Variants in FOXN4 observed in about 807,000 individuals in gnomAD.
FOXN4 encodes the protein forkhead box N4.
A neutral mutation model predicts 45.0 loss-of-function variants in FOXN4; 12 were observed. The observed-to-expected ratio is 0.27, with a 90% CI of 0.17 to 0.43. The LOEUF (loss-of-function observed/expected upper bound fraction) is 0.43, where lower values mean the gene tolerates loss of function less well. Ranked by LOEUF, FOXN4 falls within the 20% of genes least tolerant of loss-of-function variation. The pLI is 1.00. For synonymous variants in FOXN4, 297 were observed against 295.0 expected, an observed-to-expected ratio of 1.01 and a Z score of -0.07; for missense variants, 560 against 694.9, an observed-to-expected ratio of 0.81 and a Z score of 2.18.
At position 109,279,384 on chromosome 12, in the gene FOXN4, T is replaced by C; in HGVS notation, c.*287A>G. ...ACGGGCAGGCATTGCGGCTCAGGCC[T>C]CGGAGGAGTGTCAAGGGGTCGGGGG... On this transcript the variant is annotated 3_prime_UTR_variant, in exon 10 of 10. Coordinates refer to ENST00000299162, the MANE Select transcript of FOXN4 (RefSeq NM_213596.3). 2.0e-6 allele frequency: 1 copy of C among 492,360 alleles called. No individual in the cohort carries two copies. The highest frequency in any genetic ancestry group is 3.7e-6 in the Non-Finnish European group (1 of 270,198). 30.5% of individuals were successfully genotyped at this position (492,360 alleles called of 1,614,324 possible).
intron 2 of FOXN4, among the ~76,000 whole-genome samples, chr12:109,306,981 G>C (rs889957703): frequency 6.6e-6 from 1 of 152,114 alleles, no homozygotes; most frequent in Non-Finnish European, 1.5e-5. Context: ...TATACAACAG[G>C]GCTCATCAGA....
intron 2 of FOXN4, among the ~76,000 whole-genome samples, chr12:109,306,796 C>G (rs1265318615): frequency 6.6e-6 from 1 of 152,208 alleles, no homozygotes; most frequent in Admixed American, 6.5e-5. Context: ...CTCCACGTAG[C>G]CAGAGAAGTT....
rs962965083 is a variant in FOXN4, at chr12:109,279,455, G to A, written c.*216C>T. 7.6e-6 allele frequency: 5 copies of A among 656,160 alleles called. No individual in the cohort carries two copies. Among genetic ancestry groups the A allele is most frequent in the African/African-American group, 1.8e-5 (1 of 54,874 alleles). The allele number at this position is 656,160 out of a possible 1,614,324, so 40.6% of individuals were successfully genotyped here. ...CTTCCTCCATTCTTCTGACTTGGAA[G>A]AGCCCCCAGAAACTGCTCCGGAAGC... On this transcript the variant is annotated 3_prime_UTR_variant, in exon 10 of 10. Transcript: ENST00000299162.
chr12:109,280,047 G>A, intron 9 of FOXN4, 117 bp from the exon 10 acceptor site: 3 of 1,438,244 alleles, frequency 2.1e-6, no homozygotes, highest in Admixed American at 1.9e-5. Context: ...ATGTGTTGTA[G>A]AAAAAGGGCA....
At chr12:109,285,262 TGTGTGTGTGTGTGC>T in intron 8 of FOXN4, 28 bp downstream of exon 8, 1 of 1,547,552 alleles carries the variant, frequency 6.5e-7, no homozygotes, top group Non-Finnish European at 8.7e-7. Context: ...TGTGTGTGTG[TGTGTGTGTGTGTGC>T]GCGCACTGCG....
chr12:109,299,792 T>C (rs1056601090), intron 2 of FOXN4, among the ~76,000 whole-genome samples: 5 of 152,244 alleles, frequency 3.3e-5, no homozygotes, highest in Non-Finnish European at 7.3e-5. Context: ...GTACCTACTA[T>C]GTGCTTATTA....
At chr12:109,284,566 TGC>T (rs1477976689) in intron 8 of FOXN4, among the ~76,000 whole-genome samples, 68 of 151,468 alleles carry the variant, frequency 4.5e-4, no homozygotes, top group African/African-American at 1.6e-3. Context: ...CACGTGTGTG[TGC>T]GTGCGTGTGT....
At chr12:109,280,616 A>G in intron 9 of FOXN4, among the ~76,000 whole-genome samples, 1 of 152,212 alleles carries the variant, frequency 6.6e-6, no homozygotes, top group Non-Finnish European at 1.5e-5. Context: ...CTACACAACA[A>G]TCCAGGGGGA....
In FOXN4 at chr12:109,278,929, G is replaced by A. The variant is rs1366159077; in HGVS notation, c.*742C>T. 6.6e-6 allele frequency: 1 copy of A among 152,276 alleles called. No homozygotes were observed. Among genetic ancestry groups the A allele is most frequent in the African/African-American group, 2.4e-5 (1 of 41,434 alleles). 9.4% of individuals were successfully genotyped at this position (152,276 alleles called of 1,614,324 possible). ...GGAGTTAGGATGGCTGGGAGGTAGG[G>A]AGGGAGAAGGAGTCCCATTCCAGAG... On this transcript the variant is annotated 3_prime_UTR_variant, in exon 10 of 10. Coordinates refer to ENST00000299162, the MANE Select transcript of FOXN4 (RefSeq NM_213596.3).
chr12:109,304,295 G>GAAAGAAAGAAAGAAAGAAA lies in FOXN4; in HGVS notation c.86+3940_86+3941insTTTCTTTCTTTCTTTCTTT, dbSNP rs1555244325. Among the ~76,000 whole-genome samples, 65 of 40,048 alleles carry GAAAGAAAGAAAGAAAGAAA rather than the reference G, an allele frequency of 1.6e-3. 8 individuals are homozygous for GAAAGAAAGAAAGAAAGAAA. Among genetic ancestry groups the GAAAGAAAGAAAGAAAGAAA allele is most frequent in the African/African-American group, 4.4e-3 (37 of 8,470 alleles). 26.3% of individuals were successfully genotyped at this position (40,048 alleles called of 152,430 possible). A position where few individuals can be genotyped will look rare whatever the true frequency, so the allele number is the denominator to read the frequency against. ...AGAAAGAAAGAAAGAAAGAAAGAAA[G>GAAAGAAAGAAAGAAAGAAA]GAGAAAGAAAGAAGGAAAGAAGGAA... On this transcript the variant is annotated intron_variant, in intron 2 of 9. Transcript: ENST00000299162.
intron 2 of FOXN4, among the ~76,000 whole-genome samples, chr12:109,297,987 A>G (rs1593783058): frequency 6.6e-6 from 1 of 152,270 alleles, no homozygotes; most frequent in East Asian, 1.9e-4. Context: ...AGTGATCTGA[A>G]ACAATCTTTT....
At chr12:109,307,830 C>T (rs2047935177) in intron 2 of FOXN4, among the ~76,000 whole-genome samples, 1 of 152,192 alleles carries the variant, frequency 6.6e-6, no homozygotes, top group Non-Finnish European at 1.5e-5. Flanking sequence ...TGACTACTTT[C>T]TTAACATCTG....
intron 8 of FOXN4, among the ~76,000 whole-genome samples, chr12:109,284,290 T>C (rs983885901): frequency 2.6e-5 from 4 of 151,994 alleles, no homozygotes; most frequent in African/African-American, 9.7e-5. Context: ...CTGGATAGGG[T>C]TGGGGAGGGG....
At position 109,285,282 on chromosome 12, in the gene FOXN4, C is replaced by G. The variant is rs1362557395; in HGVS notation, c.901+22G>C. The stretch of plus-strand genomic sequence containing the variant: ...GTGTGTGTGTGTGTGTGTGCGCGCA[C>G]TGCGGGCTGTCCGGCCCTCACCAGG... On this transcript the variant is annotated intron_variant, in intron 8 of 9. Coordinates refer to ENST00000299162, the MANE Select transcript of FOXN4 (RefSeq NM_213596.3). The G allele has an allele frequency of 3.9e-6, 6 of 1,546,912 alleles. No homozygotes were observed. The African/African-American group carries it at 7.4e-5, about 19-fold the overall frequency.
In FOXN4 at chr12:109,296,633, G is replaced by A. The variant is rs150195834; in HGVS notation, c.87-6347C>T. Among the ~76,000 whole-genome samples the A allele has an allele frequency of 1.4e-4, 22 of 152,294 alleles. No individual in the cohort carries two copies. In the East Asian group the frequency reaches 3.9e-3, roughly 27 times the overall value. ...GAGACCAGGACAGGACAGGGGTTGAGTCCCCTGCTGGGTGCAGGCAGCCCC... is the reference window on the plus strand; with the variant it reads ...GAGACCAGGACAGGACAGGGGTTGAATCCCCTGCTGGGTGCAGGCAGCCCC... On this transcript the variant is annotated intron_variant, in intron 2 of 9. Transcript: ENST00000299162.
At position 109,288,063 on chromosome 12, in the gene FOXN4, CTG is replaced by C; in HGVS notation, c.348_349del (p.His116GlnfsTer185). 6.5e-7 allele frequency: 1 copy of C among 1,550,146 alleles called. No individual in the cohort carries two copies. Among genetic ancestry groups the C allele is most frequent in the Non-Finnish European group, 8.7e-7 (1 of 1,146,554 alleles). On this transcript the variant is annotated frameshift_variant, in exon 4 of 10. Transcript: ENST00000299162. LOFTEE classifies it high-confidence loss of function. This position sits in a 1 kb window ranked among gnomAD's most constrained non-coding sequence, Gnocchi z 4.3. ...CCATGCAGTGCCACTTACGCTGTCT[CTG>C]TGGCCAGTTATGGGGCCCAGACCTG...
intron 7 of FOXN4, 111 bp downstream of exon 7, chr12:109,286,537 C>T: frequency 9.9e-7 from 1 of 1,007,994 alleles, no homozygotes; most frequent in Non-Finnish European, 1.5e-6. Context: ...ACCAGATGTA[C>T]AGACATAACT....
intron 2 of FOXN4, among the ~76,000 whole-genome samples, chr12:109,298,207 A>C (rs1263922594): frequency 6.6e-6 from 1 of 151,954 alleles, no homozygotes. Flanking sequence ...GCATTAGGGC[A>C]TCTCACAAAG....
In FOXN4 at chr12:109,309,078, G is replaced by A. The variant is rs991939097; in HGVS notation, c.-4+41C>T. 1 of 152,138 alleles carries A rather than the reference G, an allele frequency of 6.6e-6. No individual in the cohort carries two copies. The highest frequency in any genetic ancestry group is 1.5e-5 in the Non-Finnish European group (1 of 68,036). 9.4% of individuals were successfully genotyped at this position (152,138 alleles called of 1,614,324 possible). A position where few individuals can be genotyped will look rare whatever the true frequency, so the allele number is the denominator to read the frequency against. Reference sequence around the variant, plus strand: ...CCCTGGAAATGCAATGCCCGGCATTGCCCGGGAGGAGGGAGCAAAGCCGAC... The same window carrying A: ...CCCTGGAAATGCAATGCCCGGCATTACCCGGGAGGAGGGAGCAAAGCCGAC... On this transcript the variant is annotated intron_variant, in intron 1 of 9. Transcript: ENST00000299162. This position sits in a 1 kb window ranked among gnomAD's most constrained non-coding sequence, Gnocchi z 5.0.
Sources: allele counts gnomAD v4.1 joint callset (sites outside exome capture counted in the v4.1 genomes callset), GRCh38; gene constraint gnomAD v4.1.1; non-coding constraint Gnocchi (gnomAD v3.1); transcripts MANE v1.5; gene names NCBI Gene and HGNC (gene_info 2026-07-23, HGNC 2026-07-21).